The following ROBO1 variants were observed in gnomAD, a reference collection of about 807,000 sequenced individuals.
The protein encoded by ROBO1 is roundabout guidance receptor 1, also known as roundabout homolog 1.
Under a neutral mutation model 195.9 loss-of-function variants are expected in ROBO1, and 149 were observed. The observed-to-expected ratio is 0.76, with a 90% confidence interval of 0.67 to 0.87. The LOEUF is 0.87. Among genes scored for constraint, ROBO1 ranks in the 40% least tolerant of loss-of-function variants. ROBO1 has a pLI of 0.00. For synonymous variants in ROBO1, 816 were observed against 733.2 expected (o/e 1.11, Z -1.82); for missense variants, 1,933 against 2,068.3 (o/e 0.93, Z 1.27).
intron 2 of ROBO1, among the ~76,000 whole-genome samples, chr3:79,333,856 T>A (rs2034549408): frequency 1.3e-5 from 2 of 152,166 alleles, no homozygotes; most frequent in Non-Finnish European, 2.9e-5. Context: ...GAAGGGAGTT[T>A]TTACCTAGCT....
chr3:79,673,425 T>C (rs1427968590), intron 1 of ROBO1, among the ~76,000 whole-genome samples: 2 of 151,962 alleles, frequency 1.3e-5, no homozygotes, highest in Non-Finnish European at 2.9e-5. Context: ...ATATATATGG[T>C]CCCAGGTTTA....
intron 2 of ROBO1, among the ~76,000 whole-genome samples, chr3:79,223,117 C>T (rs968080874): frequency 6.6e-6 from 1 of 152,136 alleles, no homozygotes; most frequent in African/African-American, 2.4e-5. Context: ...TTCTGAATTT[C>T]CTGCTCAATT....
At chr3:78,962,044 T>C (rs1257347722) in intron 3 of ROBO1, among the ~76,000 whole-genome samples, 2 of 152,148 alleles carry the variant, frequency 1.3e-5, no homozygotes, top group Admixed American at 1.3e-4. Context: ...ACAGATAAAT[T>C]CGTCAACCCT....
At chr3:79,036,620 C>A (rs2078384831) in intron 3 of ROBO1, among the ~76,000 whole-genome samples, 1 of 151,838 alleles carries the variant, frequency 6.6e-6, no homozygotes, top group South Asian at 2.1e-4. Flanking sequence ...AGAATACAAG[C>A]ATAGTAAAAT....
chr3:79,071,818 T>A (rs190445005), intron 3 of ROBO1, among the ~76,000 whole-genome samples: 22 of 151,924 alleles, frequency 1.4e-4, no homozygotes, highest in African/African-American at 5.1e-4. Context: ...GCAGAGTATT[T>A]TTTTTTGGTA....
chr3:79,587,239 T>C (rs973355472), intron 2 of ROBO1, among the ~76,000 whole-genome samples: 6 of 151,240 alleles, frequency 4.0e-5, no homozygotes, highest in Non-Finnish European at 8.9e-5. Flanking sequence ...AAAAAAAAAA[T>C]TGAGCTGGGC....
intron 19 of ROBO1, among the ~76,000 whole-genome samples, chr3:78,649,895 A>C (rs2292223): frequency 0.055 from 8,333 of 152,208 alleles, 644 homozygotes; most frequent in African/African-American, 0.17. Context: ...TAGGAAGGAG[A>C]GTTGCATGTC....
chr3:79,272,602 G>T (rs1024507781), intron 2 of ROBO1, among the ~76,000 whole-genome samples: 2 of 152,072 alleles, frequency 1.3e-5, no homozygotes, highest in African/African-American at 4.8e-5. Context: ...GAATTTGTGT[G>T]TTTGTGGGAG....
In ROBO1 at chr3:79,283,038, A is replaced by C. The variant is rs112131251; in HGVS notation, c.89-157499T>G. On this transcript the variant is annotated intron_variant, in intron 2 of 30. Coordinates refer to ENST00000464233, the MANE Select transcript of ROBO1 (RefSeq NM_002941.4). ...ATCTTGTGAAAATTGAAAATCTTGA[A>C]CATGTGCTTATTTGTATCTATATAA... 8.4e-4 allele frequency among the ~76,000 whole-genome samples: 128 copies of C among 152,336 alleles called. 1 individual carries two copies. Among genetic ancestry groups the C allele is most frequent in the African/African-American group, 3.0e-3 (123 of 41,570 alleles).
chr3:78,778,248 G>A (rs1323697456), intron 4 of ROBO1, among the ~76,000 whole-genome samples: 1 of 152,154 alleles, frequency 6.6e-6, no homozygotes, highest in Non-Finnish European at 1.5e-5. Context: ...GTATTTTATA[G>A]AGGATTTTCG....
chr3:79,114,293 C>A (rs1019807549), intron 3 of ROBO1, among the ~76,000 whole-genome samples: 4 of 152,166 alleles, frequency 2.6e-5, no homozygotes, highest in Non-Finnish European at 5.9e-5. Flanking sequence ...GACATTGTCC[C>A]TTTATTAGGG....
chr3:79,648,780 T>C (rs1945910993), intron 1 of ROBO1, among the ~76,000 whole-genome samples: 1 of 151,936 alleles, frequency 6.6e-6, no homozygotes, highest in Admixed American at 6.6e-5. Context: ...TGCAGAGGAC[T>C]GAAGGGAAAG....
chr3:78,946,278 T>G (rs2040438760), intron 3 of ROBO1, among the ~76,000 whole-genome samples: 1 of 152,110 alleles, frequency 6.6e-6, no homozygotes. Context: ...GGGAGAAAGG[T>G]CGGGTTACCC....
chr3:79,150,572 C>T (rs1231963650), intron 2 of ROBO1, among the ~76,000 whole-genome samples: 1 of 151,566 alleles, frequency 6.6e-6, no homozygotes, highest in Non-Finnish European at 1.5e-5. Context: ...CTTATCTTTA[C>T]TAAAAAAGGA....
At chr3:79,762,609 A>ACACACACACACACAC (rs1704765344) in intron 1 of ROBO1, among the ~76,000 whole-genome samples, 1 of 146,610 alleles carries the variant, frequency 6.8e-6, no homozygotes, top group African/African-American at 2.6e-5. Flanking sequence ...ATTCTGGACA[A>ACACACACACACACAC]ACACACACAC....
chr3:78,996,861 A>T (rs1453595632), intron 3 of ROBO1, among the ~76,000 whole-genome samples: 2 of 152,206 alleles, frequency 1.3e-5, no homozygotes, highest in Non-Finnish European at 2.9e-5. Context: ...TTATATGTGT[A>T]TGATTTATGT....
At chr3:79,494,468 AAAGT>A (rs963554087) in intron 2 of ROBO1, among the ~76,000 whole-genome samples, 7 of 152,208 alleles carry the variant, frequency 4.6e-5, no homozygotes, top group African/African-American at 1.7e-4. Context: ...CAATTTTTTA[AAAGT>A]AAGGAAACTA....
At chr3:78,599,988 T>G in intron 30 of ROBO1, 125 bp downstream of exon 30, 1 of 800,080 alleles carries the variant, frequency 1.2e-6, no homozygotes, top group Non-Finnish European at 2.2e-6. Flanking sequence ...TCTGCCATCA[T>G]AGACATTAGA....
intron 4 of ROBO1, among the ~76,000 whole-genome samples, chr3:78,866,825 T>C (rs1268762520): frequency 6.6e-6 from 1 of 152,232 alleles, no homozygotes; most frequent in East Asian, 1.9e-4. Flanking sequence ...AGGAGTAGGA[T>C]AATGGGAGAG....
Sources: allele counts gnomAD v4.1 joint callset (sites outside exome capture counted in the v4.1 genomes callset), GRCh38; gene constraint gnomAD v4.1.1; transcripts MANE v1.5; gene names NCBI Gene and HGNC (gene_info 2026-07-23, HGNC 2026-07-21).